OSBPL9: variants seen among roughly 807,000 people sequenced by gnomAD.
OSBPL9 encodes the protein oxysterol-binding protein-related protein 9.
Under a neutral mutation model 106.6 loss-of-function variants are expected in OSBPL9, and 40 were observed. That is an observed-to-expected ratio of 0.38 (90% CI 0.29 to 0.49). The LOEUF is 0.49. Ranked by LOEUF, OSBPL9 falls within the 20% of genes least tolerant of loss-of-function variation. OSBPL9 has a pLI of 0.97. For missense variants in OSBPL9, 609 were observed against 887.2 expected (o/e 0.69, Z 3.98); for synonymous variants, 269 against 295.4 (o/e 0.91, Z 0.92).
intron 16 of OSBPL9, among the ~76,000 whole-genome samples, chr1:51,782,160 T>TA (rs71578082): frequency 1.5e-4 from 23 of 151,750 alleles, no homozygotes; most frequent in East Asian, 5.8e-4. Flanking sequence ...CTTTAAGAAG[T>TA]AAAAAAAACA....
At chr1:51,641,982 T>C (rs1167737275) in intron 1 of OSBPL9, among the ~76,000 whole-genome samples, 2 of 152,178 alleles carry the variant, frequency 1.3e-5, no homozygotes, top group Non-Finnish European at 2.9e-5. Context: ...AAAAGGTAAG[T>C]GTCAAGTGGT....
the OSBPL9 span, among the ~76,000 whole-genome samples, chr1:51,524,225 C>T: frequency 6.6e-6 from 1 of 152,162 alleles, no homozygotes; most frequent in African/African-American, 2.4e-5. Context: ...AAAGAACAAG[C>T]AGTAAGAGAT....
intron 2 of OSBPL9, among the ~76,000 whole-genome samples, chr1:51,664,854 A>G (rs1648052639): frequency 6.6e-6 from 1 of 152,154 alleles, no homozygotes; most frequent in Non-Finnish European, 1.5e-5. Flanking sequence ...TGTGATTTGT[A>G]TATATGTTAC....
chr1:51,613,333 C>A (rs1644002262), upstream of OSBPL9, among the ~76,000 whole-genome samples: 1 of 152,282 alleles, frequency 6.6e-6, no homozygotes, highest in African/African-American at 2.4e-5. Flanking sequence ...CATCAAGTTT[C>A]TATAGGAAGT....
chr1:51,657,988 A>G (rs574673563), intron 2 of OSBPL9, among the ~76,000 whole-genome samples: 5 of 151,984 alleles, frequency 3.3e-5, no homozygotes, highest in Non-Finnish European at 7.4e-5. Context: ...TTACACCTCT[A>G]TCCCAGCTAC....
At chr1:51,532,679 G>T in the OSBPL9 span, among the ~76,000 whole-genome samples, 1 of 152,238 alleles carries the variant, frequency 6.6e-6, no homozygotes, top group East Asian at 1.9e-4. Flanking sequence ...GTTAGATTGT[G>T]CAGGGTAGGG....
At chr1:51,572,372 T>C (rs542871631), upstream of OSBPL9, among the ~76,000 whole-genome samples, 50 of 152,250 alleles carry the variant, frequency 3.3e-4, 1 homozygote, top group East Asian at 9.1e-3. Flanking sequence ...TGGCAGGCAA[T>C]GGTTATTATC....
intron 4 of OSBPL9, among the ~76,000 whole-genome samples, chr1:51,731,391 C>T (rs369763276): frequency 2.5e-4 from 38 of 152,194 alleles, no homozygotes; most frequent in African/African-American, 8.9e-4. Flanking sequence ...TTTGAGGTTG[C>T]GGTGAGCTAT....
upstream of OSBPL9, among the ~76,000 whole-genome samples, chr1:51,574,679 AAAAC>A (rs1202278879): frequency 6.6e-6 from 1 of 152,170 alleles, no homozygotes; most frequent in African/African-American, 2.4e-5. Context: ...GACAAAAACA[AAAAC>A]AAAAGAAAGG....
intron 2 of OSBPL9, among the ~76,000 whole-genome samples, chr1:51,607,480 G>T (rs1041600581): frequency 2.6e-5 from 4 of 152,108 alleles, no homozygotes; most frequent in African/African-American, 9.7e-5. Flanking sequence ...TTTTTCTGTA[G>T]TATATCTATG....
the OSBPL9 span, among the ~76,000 whole-genome samples, chr1:51,556,103 G>A: frequency 2.0e-5 from 3 of 151,912 alleles, no homozygotes; most frequent in African/African-American, 7.3e-5. Context: ...ATCCCTGTAA[G>A]CCTAGTCCCT....
intron 3 of OSBPL9, among the ~76,000 whole-genome samples, chr1:51,705,961 T>A (rs185372172): frequency 6.6e-6 from 1 of 152,376 alleles, no homozygotes; most frequent in Non-Finnish European, 1.5e-5. Flanking sequence ...GATTGTGCTA[T>A]TCTGTTGTAC....
chr1:51,530,193 C>CAAAAAAAAAAAAAAAAAAAAA, the OSBPL9 span, among the ~76,000 whole-genome samples: 2 of 55,662 alleles, frequency 3.6e-5, no homozygotes, highest in Non-Finnish European at 6.6e-5. Flanking sequence ...AAAAAAAAAA[C>CAAAAAAAAAAAAAAAAAAAAA]AAAAAAAAAA....
upstream of OSBPL9, among the ~76,000 whole-genome samples, chr1:51,575,415 T>C (rs1390791536): frequency 1.3e-5 from 2 of 151,844 alleles, no homozygotes; most frequent in Non-Finnish European, 2.9e-5. Context: ...TTCACCATGT[T>C]GGTCGGTCTG....
Position 51,657,913 on chromosome 1 carries a change from C to A in OSBPL9, c.162+5872C>A, listed in dbSNP as rs186999081. ...AGGAGTTTGAGACCAGCCTGGGCAACATAATGAGACCTCTTCTCTACAAAC... is the reference window on the plus strand; with the variant it reads ...AGGAGTTTGAGACCAGCCTGGGCAAAATAATGAGACCTCTTCTCTACAAAC... On this transcript the variant is annotated intron_variant, in intron 2 of 23. Coordinates refer to ENST00000428468, the MANE Select transcript of OSBPL9 (RefSeq NM_024586.6). 4.7e-4 allele frequency among the ~76,000 whole-genome samples: 71 copies of A among 151,964 alleles called. 3 individuals carry two copies. In the South Asian group the frequency reaches 0.012, roughly 25 times the overall value.
chr1:51,615,731 G>A (rs1337156436), upstream of OSBPL9, among the ~76,000 whole-genome samples: 6 of 152,008 alleles, frequency 3.9e-5, no homozygotes, highest in Non-Finnish European at 5.9e-5. Context: ...TGCACGGCTG[G>A]CCTTTTCTTA....
At chr1:51,761,259 T>G (rs1020400945) in intron 10 of OSBPL9, among the ~76,000 whole-genome samples, 3 of 151,850 alleles carry the variant, frequency 2.0e-5, no homozygotes, top group East Asian at 1.9e-4. Context: ...TGTTTTGTTT[T>G]TTTTTTTTTT....
At chr1:51,614,676 C>T (rs1177370843), upstream of OSBPL9, among the ~76,000 whole-genome samples, 2 of 151,952 alleles carry the variant, frequency 1.3e-5, no homozygotes, top group Non-Finnish European at 2.9e-5. Flanking sequence ...CTCCTGTTGC[C>T]TGTATAATTG....
the OSBPL9 span, among the ~76,000 whole-genome samples, chr1:51,523,879 G>A: frequency 1.3e-5 from 2 of 152,030 alleles, no homozygotes; most frequent in African/African-American, 4.8e-5. Context: ...TGAACACTGC[G>A]TGTCTGTGAA....
Sources: gnomAD v4.1 joint callset for allele counts (sites outside exome capture counted in the v4.1 genomes callset) on GRCh38, gnomAD v4.1.1 for gene constraint, MANE v1.5 for transcripts, NCBI Gene and HGNC (gene_info 2026-07-23, HGNC 2026-07-21) for gene names.